The following CHIC2 variants were observed in gnomAD, a reference collection of about 807,000 sequenced individuals.
The protein encoded by CHIC2 is cysteine rich hydrophobic domain 2.
Under a neutral mutation model 25.9 loss-of-function variants are expected in CHIC2, and 14 were observed. The observed-to-expected ratio is 0.54, with a 90% CI of 0.36 to 0.85. CHIC2 has a LOEUF of 0.85. Ranked by LOEUF, CHIC2 falls within the 40% of genes least tolerant of loss-of-function variation. The pLI, the probability that CHIC2 is intolerant of heterozygous loss-of-function variation, is 0.01. For synonymous variants in CHIC2, 70 were observed against 72.0 expected, an observed-to-expected ratio of 0.97 and a Z score of 0.14; for missense variants, 146 against 202.0, an observed-to-expected ratio of 0.72 and a Z score of 1.68.
chr4:54,013,429 T>C (rs536655075), intron 5 of CHIC2, among the ~76,000 whole-genome samples: 4 of 152,238 alleles, frequency 2.6e-5, no homozygotes, highest in Admixed American at 1.3e-4. Flanking sequence ...GGGTAAAGGT[T>C]TCTTAAGCTC....
chr4:54,036,791 CA>C (rs35884517), intron 3 of CHIC2, among the ~76,000 whole-genome samples: 1 of 141,044 alleles, frequency 7.1e-6, no homozygotes, highest in Non-Finnish European at 1.5e-5. Context: ...CCCACAACCA[CA>C]AAAAAAAAGA....
At chr4:54,047,042 G>GA (rs1716850473) in intron 3 of CHIC2, among the ~76,000 whole-genome samples, 1 of 152,122 alleles carries the variant, frequency 6.6e-6, no homozygotes, top group Non-Finnish European at 1.5e-5. Flanking sequence ...AAAAACACAT[G>GA]AAAAAATGCT....
chr4:54,059,233 A>G (rs1244450682), intron 1 of CHIC2, among the ~76,000 whole-genome samples: 1 of 152,194 alleles, frequency 6.6e-6, no homozygotes, highest in Non-Finnish European at 1.5e-5. Flanking sequence ...GGAATAAGAA[A>G]AATCTCTGGG....
chr4:54,022,291 C>T (rs967045195), intron 3 of CHIC2, among the ~76,000 whole-genome samples: 1 of 152,086 alleles, frequency 6.6e-6, no homozygotes, highest in African/African-American at 2.4e-5. Flanking sequence ...CGACGCTGCC[C>T]GATCGCCTCA....
chr4:54,045,265 T>C (rs985344834), intron 3 of CHIC2, among the ~76,000 whole-genome samples: 14 of 152,056 alleles, frequency 9.2e-5, no homozygotes, highest in Non-Finnish European at 1.6e-4. Context: ...TTCCAATCAA[T>C]AGAAAAACAA....
chr4:54,045,872 A>G (rs1716768743), intron 3 of CHIC2, among the ~76,000 whole-genome samples: 2 of 151,796 alleles, frequency 1.3e-5, no homozygotes, highest in South Asian at 4.2e-4. Flanking sequence ...CCCTGTTTGC[A>G]GATGACATGA....
the CHIC2 span, among the ~76,000 whole-genome samples, chr4:54,083,391 C>G: frequency 6.6e-6 from 1 of 152,204 alleles, no homozygotes; most frequent in South Asian, 2.1e-4. Flanking sequence ...CTTGGCTATT[C>G]TTATAGCACT....
chr4:54,081,512 C>T, the CHIC2 span, among the ~76,000 whole-genome samples: 30 of 152,140 alleles, frequency 2.0e-4, no homozygotes, highest in Non-Finnish European at 3.7e-4. Context: ...TTATCTACCT[C>T]TCTAAGTGAG....
At position 54,064,494 on chromosome 4, in the gene CHIC2, C is replaced by A; in HGVS notation, c.-194G>T. The A allele has an allele frequency of 6.9e-7, 1 of 1,439,750 alleles. No homozygotes were observed. The allele number at this position is 1,439,750 out of a possible 1,614,324, so 89.2% of individuals were successfully genotyped here. A position where few individuals can be genotyped will look rare whatever the true frequency, so the allele number is the denominator to read the frequency against. On this transcript the variant is annotated 5_prime_UTR_variant, in exon 1 of 6. Coordinates refer to ENST00000263921, the MANE Select transcript of CHIC2 (RefSeq NM_012110.4). The surrounding 1 kb of genome is among the most constrained non-coding windows in gnomAD (Gnocchi z 4.2). Reference sequence around the variant, plus strand: ...TGGACCGTCGCCGCCACCGCCGCCGCCATTACCATCAGCAATAACAACAAC... The same window carrying A: ...TGGACCGTCGCCGCCACCGCCGCCGACATTACCATCAGCAATAACAACAAC...
intron 3 of CHIC2, among the ~76,000 whole-genome samples, chr4:54,029,373 G>A (rs1314725529): frequency 2.0e-5 from 3 of 152,062 alleles, no homozygotes; most frequent in Non-Finnish European, 4.4e-5. Flanking sequence ...AAAATCATAT[G>A]AAAGACAAGA....
chr4:54,077,605 G>C, the CHIC2 span, among the ~76,000 whole-genome samples: 2 of 152,194 alleles, frequency 1.3e-5, no homozygotes, highest in African/African-American at 4.8e-5. Context: ...TTATTTTGCT[G>C]AGGATGAGCA....
intron 1 of CHIC2, among the ~76,000 whole-genome samples, chr4:54,056,454 C>G (rs1717179133): frequency 6.6e-6 from 1 of 152,018 alleles, no homozygotes; most frequent in African/African-American, 2.4e-5. Context: ...AACAAAAATA[C>G]TCATTTCAAG....
At chr4:54,078,073 C>T in the CHIC2 span, among the ~76,000 whole-genome samples, 2 of 152,200 alleles carry the variant, frequency 1.3e-5, no homozygotes, top group Non-Finnish European at 2.9e-5. Context: ...TGATGCCAAT[C>T]AACCCATGAA....
At chr4:54,078,412 A>T in the CHIC2 span, among the ~76,000 whole-genome samples, 1 of 152,220 alleles carries the variant, frequency 6.6e-6, no homozygotes, top group African/African-American at 2.4e-5. Context: ...TAATTAAAAT[A>T]ATATAGGAAC....
chr4:54,088,302 A>C, the CHIC2 span, among the ~76,000 whole-genome samples: 1 of 152,216 alleles, frequency 6.6e-6, no homozygotes, highest in Admixed American at 6.5e-5. Context: ...CGTTTGTTTC[A>C]TGGTTTTTGC....
At chr4:54,080,204 A>G in the CHIC2 span, among the ~76,000 whole-genome samples, 21 of 147,360 alleles carry the variant, frequency 1.4e-4, no homozygotes, top group African/African-American at 4.5e-4. Flanking sequence ...ATATGTGTAT[A>G]TATATATATA....
chr4:54,026,242 T>C (rs757202010), intron 3 of CHIC2, among the ~76,000 whole-genome samples: 12 of 152,136 alleles, frequency 7.9e-5, no homozygotes, highest in Non-Finnish European at 1.3e-4. Flanking sequence ...TTTTTTTGTT[T>C]TTTTTTGTTT....
the CHIC2 span, among the ~76,000 whole-genome samples, chr4:54,070,319 G>A: frequency 3.9e-5 from 6 of 152,202 alleles, no homozygotes; most frequent in African/African-American, 9.6e-5. Flanking sequence ...TTAAATGCAT[G>A]CCAAAAGTAA....
At chr4:54,034,263 G>C (rs1041059313) in intron 3 of CHIC2, among the ~76,000 whole-genome samples, 4 of 151,994 alleles carry the variant, frequency 2.6e-5, no homozygotes. Flanking sequence ...AATTAGCCAG[G>C]CATGGTGGTG....
Sources: allele counts gnomAD v4.1 joint callset (sites outside exome capture counted in the v4.1 genomes callset), GRCh38; gene constraint gnomAD v4.1.1; non-coding constraint Gnocchi (gnomAD v3.1); transcripts MANE v1.5; gene names NCBI Gene and HGNC (gene_info 2026-07-23, HGNC 2026-07-21).